Variants in FAM53A observed in about 807,000 individuals in gnomAD.
FAM53A encodes the protein family with sequence similarity 53 member A.
FAM53A carries 28 observed loss-of-function variants against 26.6 expected under a neutral mutation model. The ratio of observed to expected loss-of-function variants is 1.05; its 90% CI spans 0.78 to 1.45. The LOEUF (loss-of-function observed/expected upper bound fraction) is 1.45. Ranked by LOEUF, FAM53A falls within the 40% of genes most tolerant of loss-of-function variation. The pLI is 0.00. For synonymous variants in FAM53A, 290 were observed against 253.1 expected (o/e 1.15, Z -1.38); for missense variants, 650 against 575.8 (o/e 1.13, Z -1.32).
chr4:1,643,181 T>C (rs973176398), intron 4 of FAM53A, among the ~76,000 whole-genome samples: 1 of 152,232 alleles, frequency 6.6e-6, no homozygotes, highest in African/African-American at 2.4e-5. Flanking sequence ...AAAAGACAAA[T>C]TGACGCCAGG....
chr4:1,666,207 AACCTGC>A (rs1276895147), intron 2 of FAM53A, among the ~76,000 whole-genome samples: 2 of 141,060 alleles, frequency 1.4e-5, no homozygotes, highest in Admixed American at 7.0e-5. Context: ...TCTAAAATAA[AACCTGC>A]ACCTGCACCC....
chr4:1,683,868 A>G (rs919290547), intron 1 of FAM53A: 2 of 152,218 alleles, frequency 1.3e-5, no homozygotes, highest in African/African-American at 4.8e-5. Flanking sequence ...GCGGCTTCGG[A>G]ATCCGCCGCA....
At chr4:1,580,741 C>T in the FAM53A span, among the ~76,000 whole-genome samples, 1 of 143,166 alleles carries the variant, frequency 7.0e-6, no homozygotes, top group Non-Finnish European at 1.5e-5. Context: ...CTCCCAGGTC[C>T]TGCCTCCCGT....
chr4:1,593,229 G>A, the FAM53A span, among the ~76,000 whole-genome samples: 1 of 152,146 alleles, frequency 6.6e-6, no homozygotes, highest in Non-Finnish European at 1.5e-5. Context: ...CAGGCGCCTG[G>A]TCTGCAACCC....
the FAM53A span, among the ~76,000 whole-genome samples, chr4:1,588,234 T>C: frequency 6.6e-6 from 1 of 152,234 alleles, no homozygotes; most frequent in Non-Finnish European, 1.5e-5. Context: ...GTTGTGGTGG[T>C]TCCCCATTTG....
chr4:1,578,346 C>A, the FAM53A span, among the ~76,000 whole-genome samples: 2 of 152,210 alleles, frequency 1.3e-5, no homozygotes. Context: ...ACCCCGTCTG[C>A]GTGCAAGTGC....
intron 4 of FAM53A, among the ~76,000 whole-genome samples, chr4:1,652,332 C>T (rs973610298): frequency 6.8e-6 from 1 of 147,080 alleles, no homozygotes; most frequent in Non-Finnish European, 1.5e-5. Flanking sequence ...ACACCATACA[C>T]ACACGCTATA....
chr4:1,627,435 G>A (rs762538606), intron 1 of FAM53A, among the ~76,000 whole-genome samples: 21 of 152,298 alleles, frequency 1.4e-4, no homozygotes, highest in Non-Finnish European at 2.6e-4. Flanking sequence ...GTATAACCAC[G>A]GGGCTGCTTA....
the FAM53A span, among the ~76,000 whole-genome samples, chr4:1,597,972 G>A: frequency 1.3e-5 from 2 of 152,202 alleles, no homozygotes; most frequent in African/African-American, 2.4e-5. Flanking sequence ...CTCCAGCCTC[G>A]GCAACAGAGC....
chr4:1,581,632 T>C, the FAM53A span, among the ~76,000 whole-genome samples: 6 of 152,236 alleles, frequency 3.9e-5, no homozygotes, highest in African/African-American at 1.4e-4. Context: ...GCTTTGCTCT[T>C]GTCGCCCAGG....
chr4:1,674,880 T>C (rs1714930421), intron 1 of FAM53A, among the ~76,000 whole-genome samples: 2 of 152,264 alleles, frequency 1.3e-5, no homozygotes, highest in South Asian at 2.1e-4. Flanking sequence ...TCCCTCCCCC[T>C]TGGCAGTTCT....
chr4:1,587,766 G>A, the FAM53A span, among the ~76,000 whole-genome samples: 735 of 152,214 alleles, frequency 4.8e-3, 3 homozygotes, highest in African/African-American at 0.017. Context: ...GGGGGAATCT[G>A]TCTTCAGTTT....
chr4:1,663,949 CCAGAACACA>C (rs1353444140), intron 2 of FAM53A, among the ~76,000 whole-genome samples: 1 of 152,122 alleles, frequency 6.6e-6, no homozygotes, highest in African/African-American at 2.4e-5. Context: ...CCAGCAACTC[CCAGAACACA>C]CATGGGAGGG....
chr4:1,585,723 G>C, the FAM53A span, among the ~76,000 whole-genome samples: 1 of 152,114 alleles, frequency 6.6e-6, no homozygotes, highest in Admixed American at 6.5e-5. Context: ...GTCAATAACA[G>C]GATTTCCTTC....
the FAM53A span, among the ~76,000 whole-genome samples, chr4:1,610,589 G>A: frequency 1.3e-5 from 2 of 152,022 alleles, no homozygotes; most frequent in Non-Finnish European, 2.9e-5. Flanking sequence ...GGGTGGCCTG[G>A]GGTGGAGAGA....
chr4:1,614,210 G>A (rs1230660361), downstream of FAM53A, among the ~76,000 whole-genome samples: 1 of 152,180 alleles, frequency 6.6e-6, no homozygotes, highest in African/African-American at 2.4e-5. Flanking sequence ...CCAGAGGCCG[G>A]CTGTGGGGCT....
At chr4:1,643,805 A>T (rs1015838609) in intron 4 of FAM53A, among the ~76,000 whole-genome samples, 3 of 152,048 alleles carry the variant, frequency 2.0e-5, no homozygotes, top group African/African-American at 7.2e-5. Flanking sequence ...GGGCTCAAAC[A>T]ATCCTCCCGC....
At position 1,621,076 on chromosome 4, in the gene FAM53A, T is replaced by C. The variant is rs975224332; in HGVS notation, c.432-2965A>G. Among the ~76,000 whole-genome samples, 4 of 150,394 alleles carry C rather than the reference T, an allele frequency of 2.7e-5. No homozygotes were observed. The Admixed American group carries it at 2.7e-4, about 10-fold the overall frequency. ...AGGAACACAAAGAACAGGGGACCCT[T>C]TTCCTAGCTGAGTCAGCTACGCTAC... is the stretch of plus-strand genomic sequence containing the variant. On this transcript the variant is annotated intron_variant, in intron 1 of 1. Transcript: ENST00000489029.
At chr4:1,677,032 G>T (rs1715090279) in intron 1 of FAM53A, among the ~76,000 whole-genome samples, 2 of 152,148 alleles carry the variant, frequency 1.3e-5, no homozygotes, top group South Asian at 4.1e-4. Context: ...TGCTCCTGGA[G>T]TCCCACCTTG....
Sources: allele counts gnomAD v4.1 joint callset (sites outside exome capture counted in the v4.1 genomes callset), GRCh38; gene constraint gnomAD v4.1.1; transcripts MANE v1.5; gene names NCBI Gene and HGNC (gene_info 2026-07-23, HGNC 2026-07-21).